SLC35F6: variants seen among roughly 807,000 people sequenced by gnomAD.
SLC35F6 encodes solute carrier family 35 member F6.
In SLC35F6, 26 loss-of-function variants were observed where a neutral mutation model predicts 29.4. That is an observed-to-expected ratio of 0.89 (90% CI 0.65 to 1.23). The LOEUF (loss-of-function observed/expected upper bound fraction) is 1.23, where lower values mean the gene tolerates loss of function less well. SLC35F6 is among the 50% of genes most tolerant of loss of function. SLC35F6 has a pLI of 0.00. For synonymous variants in SLC35F6, 174 were observed against 206.6 expected, an observed-to-expected ratio of 0.84 and a Z score of 1.35; for missense variants, 428 against 487.8, an observed-to-expected ratio of 0.88 and a Z score of 1.15.
At chr2:26,774,941 G>A in intron 2 of SLC35F6, 103 bp from the exon 3 acceptor site, 1 of 1,344,832 alleles carries the variant, frequency 7.4e-7, no homozygotes, top group Non-Finnish European at 1.0e-6. Flanking sequence ...TTGGGGTTCT[G>A]GGTAAGCTCT....
At chr2:26,765,137 G>A (rs750342522) in intron 1 of SLC35F6, 1 of 437,612 alleles carries the variant, frequency 2.3e-6, no homozygotes, top group Non-Finnish European at 3.0e-6. Flanking sequence ...AGCAGATGAG[G>A]GGAACTAGGA....
Position 26,780,431 on chromosome 2 carries a change from A to G in SLC35F6, c.*1920A>G, listed in dbSNP as rs1664388321. ...CCTGCCTGCCTAGAGAACTCCCAAGATGACAGACTAAGTAGGATTCTGCCA... is the reference window on the plus strand; with the variant it reads ...CCTGCCTGCCTAGAGAACTCCCAAGGTGACAGACTAAGTAGGATTCTGCCA... On this transcript the variant is annotated 3_prime_UTR_variant, in exon 6 of 6. Transcript: ENST00000344420. The G allele has an allele frequency of 1.3e-5, 2 of 152,114 alleles. No individual in the cohort carries two copies. Among genetic ancestry groups the G allele is most frequent in the African/African-American group, 4.8e-5 (2 of 41,428 alleles). The allele number at this position is 152,114 out of a possible 1,614,324, so 9.4% of individuals were successfully genotyped here.
At position 26,775,161 on chromosome 2, in the gene SLC35F6, C is replaced by G. The variant is rs752051631; in HGVS notation, c.268C>G (p.Leu90Val). 3 of 1,614,126 alleles carry G rather than the reference C, an allele frequency of 1.9e-6. No individual in the cohort carries two copies. Among genetic ancestry groups the G allele is most frequent in the Non-Finnish European group, 2.5e-6 (3 of 1,180,038 alleles). ...VDPQQPFNPLLFLPPALCDMT... is the reference protein window; with the variant it reads ...VDPQQPFNPLVFLPPALCDMT... ...CCCCCAGCAGCCCTTCAACCCTCTT[C>G]TTTTCCTGCCCCCAGCGCTCTGTGA... The change falls in exon 3 of 6, where the codon CTT becomes GTT. Residue 90 changes from leucine (L) to valine (V), a missense_variant. Coordinates refer to ENST00000344420, the MANE Select transcript of SLC35F6 (RefSeq NM_017877.4). This position sits in a 1 kb window ranked among gnomAD's most constrained non-coding sequence, Gnocchi z 4.6.
intron 1 of SLC35F6, chr2:26,764,942 G>T: frequency 1.0e-6 from 1 of 985,440 alleles, no homozygotes; most frequent in Non-Finnish European, 1.2e-6. Context: ...TGTAAGTCAA[G>T]GAAAGTCTAC....
intron 2 of SLC35F6, 146 bp downstream of exon 2, chr2:26,774,469 C>A (rs370952752): frequency 2.3e-6 from 2 of 885,572 alleles, no homozygotes; most frequent in Non-Finnish European, 1.7e-6. Flanking sequence ...CTTTCCCTCC[C>A]CAGAGCAGAA....
intron 1 of SLC35F6, among the ~76,000 whole-genome samples, chr2:26,765,637 C>G (rs981675795): frequency 5.3e-5 from 8 of 152,204 alleles, no homozygotes; most frequent in South Asian, 2.1e-4. Flanking sequence ...TGTACGCACA[C>G]GACAGTCACA....
chr2:26,774,631 T>C (rs868057088), intron 2 of SLC35F6, among the ~76,000 whole-genome samples: 18 of 152,180 alleles, frequency 1.2e-4, no homozygotes, highest in South Asian at 2.1e-4. Flanking sequence ...CAGACCCCAA[T>C]TGGGACAGGG....
intron 1 of SLC35F6, among the ~76,000 whole-genome samples, chr2:26,770,361 T>C (rs895546000): frequency 2.0e-5 from 3 of 152,144 alleles, no homozygotes; most frequent in Non-Finnish European, 4.4e-5. Flanking sequence ...GAGCCGTGAT[T>C]GTGCCACTGC....
chr2:26,771,757 C>T (rs1205778998), intron 1 of SLC35F6, among the ~76,000 whole-genome samples: 3 of 151,882 alleles, frequency 2.0e-5, no homozygotes, highest in Admixed American at 2.0e-4. Flanking sequence ...TGCTTGAGCC[C>T]AGGAGTTCAA....
rs202029171 is a variant in SLC35F6 at position 26,776,395 on chromosome 2, C to G, written c.559C>G (p.Gln187Glu). The G allele has an allele frequency of 3.1e-6, 5 of 1,614,098 alleles. No homozygotes were observed. The highest frequency in any genetic ancestry group is 4.2e-6 in the Non-Finnish European group (5 of 1,180,036). ...ITGDLLIIMA[Q>E]IIVAIQMVLE... Reference sequence around the variant, plus strand: ...AGGGGACCTGTTGATCATCATGGCCCAGATCATCGTTGCCATCCAGATGGT... The same window carrying G: ...AGGGGACCTGTTGATCATCATGGCCGAGATCATCGTTGCCATCCAGATGGT... Residue 187 changes from glutamine (Q) to glutamate (E), a missense_variant, in exon 5 of 6, where the codon CAG (glutamine) becomes GAG (glutamate). Gln to Glu is a conservative substitution (Grantham distance 29). Transcript: ENST00000344420.
rs1558293649 is a variant in SLC35F6, at chr2:26,775,205, C to T, written c.312C>T (p.Leu104=). Residue 104 remains leucine (L), a synonymous_variant, in exon 3 of 6, where the codon CTC becomes CTT. Coordinates refer to ENST00000344420, the MANE Select transcript of SLC35F6 (RefSeq NM_017877.4). The surrounding 1 kb of genome is among the most constrained non-coding windows in gnomAD (Gnocchi z 4.6). ...TCTGTGACATGACAGGGACCAGCCT[C>T]ATGTATGTGGGTGAGTAACCAGGCC... The part of the protein sequence containing the change: ...PALCDMTGTS[L]MYVALNMTSA... 6.2e-7 allele frequency: 1 copy of T among 1,613,756 alleles called. No individual in the cohort carries two copies. Among genetic ancestry groups the T allele is most frequent in the East Asian group, 2.2e-5 (1 of 44,862 alleles).
chr2:26,764,290 G>C lies in SLC35F6; in HGVS notation c.-60G>C, dbSNP rs971710155. 6.5e-7 allele frequency: 1 copy of C among 1,539,232 alleles called. No individual in the cohort carries two copies. Among genetic ancestry groups the C allele is most frequent in the African/African-American group, 1.4e-5 (1 of 72,240 alleles). On this transcript the variant is annotated 5_prime_UTR_variant, in exon 1 of 6. Transcript: ENST00000344420. ...GCCCGGCCCGGAAGCGCTCGCGCAG[G>C]AGACCCCGGGTGACGGGGCCCGGCG... is the stretch of plus-strand genomic sequence containing the variant.
chr2:26,772,537 C>T (rs10194672), intron 1 of SLC35F6, among the ~76,000 whole-genome samples: 85 of 152,280 alleles, frequency 5.6e-4, no homozygotes, highest in African/African-American at 1.6e-3. Flanking sequence ...GCTGTGTCAA[C>T]GAACCCAGGG....
chr2:26,766,870 G>A (rs140946757), intron 1 of SLC35F6, among the ~76,000 whole-genome samples: 157 of 152,326 alleles, frequency 1.0e-3, no homozygotes, highest in African/African-American at 3.5e-3. Flanking sequence ...CTAAGTGGCA[G>A]AGTTTATAGT....
intron 1 of SLC35F6, among the ~76,000 whole-genome samples, chr2:26,771,651 C>T (rs536689483): frequency 3.5e-4 from 54 of 152,306 alleles, no homozygotes; most frequent in Admixed American, 3.2e-3. Context: ...GCCAGGGATC[C>T]AAGAGCCAAC....
Position 26,772,626 on chromosome 2 carries a change from C to T in SLC35F6, c.78-1625C>T, listed in dbSNP as rs560682588. Among the ~76,000 whole-genome samples the T allele has an allele frequency of 2.0e-5, 3 of 152,302 alleles. No individual in the cohort carries two copies. In the South Asian group the frequency reaches 6.2e-4, roughly 32 times the overall value. On this transcript the variant is annotated intron_variant, in intron 1 of 5. Coordinates refer to ENST00000344420, the MANE Select transcript of SLC35F6 (RefSeq NM_017877.4). ...ATGCTCTTGGCTCTGGGCCTGGGTA[C>T]ACCAGAGTACTTCCAGAAGTCAGTG...
In SLC35F6 at chr2:26,778,837, C is replaced by T. The variant is rs1558295238; in HGVS notation, c.*326C>T. ...CACCGTAGTGTATCTGAATCATAAACTAGATTATCATAGTTATCTAGTTTA... is the reference window on the plus strand; with the variant it reads ...CACCGTAGTGTATCTGAATCATAAATTAGATTATCATAGTTATCTAGTTTA... On this transcript the variant is annotated 3_prime_UTR_variant, in exon 6 of 6. Coordinates refer to ENST00000344420, the MANE Select transcript of SLC35F6 (RefSeq NM_017877.4). 1 of 332,252 alleles carries T rather than the reference C, an allele frequency of 3.0e-6. No individual in the cohort carries two copies. Among genetic ancestry groups the T allele is most frequent in the Non-Finnish European group, 5.5e-6 (1 of 181,824 alleles). 20.6% of individuals were successfully genotyped at this position (332,252 alleles called of 1,614,324 possible). A position where few individuals can be genotyped will look rare whatever the true frequency, so the allele number is the denominator to read the frequency against.
chr2:26,773,503 G>GA (rs70953813), intron 1 of SLC35F6, among the ~76,000 whole-genome samples: 56,943 of 106,876 alleles, frequency 0.53, 12,987 homozygotes, highest in Admixed American at 0.58. Flanking sequence ...ACTCCATTAA[G>GA]AAAAAAAAAA....
chr2:26,774,977 A>C, intron 2 of SLC35F6, 67 bp from the exon 3 acceptor site: 2 of 1,494,032 alleles, frequency 1.3e-6, no homozygotes, highest in Non-Finnish European at 1.8e-6. Flanking sequence ...TGCATTAAAA[A>C]AAATAGTTAA....
Sources: gnomAD v4.1 joint callset for allele counts (sites outside exome capture counted in the v4.1 genomes callset) on GRCh38, gnomAD v4.1.1 for gene constraint, Gnocchi (gnomAD v3.1) non-coding constraint, MANE v1.5 for transcripts, NCBI Gene and HGNC (gene_info 2026-07-23, HGNC 2026-07-21) for gene names.